ATE1: variants seen among roughly 807,000 people sequenced by gnomAD.
ATE1 encodes arginyltransferase 1, also known as arginyl-tRNA--protein transferase 1.
ATE1 carries 36 observed loss-of-function variants against 70.5 expected under a neutral mutation model. That is an observed-to-expected ratio of 0.51 (90% confidence interval 0.39 to 0.67). The LOEUF is 0.67. ATE1 is among the 30% of genes least tolerant of loss of function. The probability of loss-of-function intolerance (pLI) is 0.00; values close to 1 mark genes in which losing one functional copy is unlikely to be tolerated. For missense variants in ATE1, 593 were observed against 629.5 expected, an observed-to-expected ratio of 0.94 and a Z score of 0.62; for synonymous variants, 232 against 219.3, an observed-to-expected ratio of 1.06 and a Z score of -0.51.
chr10:121,823,975 G>A (rs1322593813), intron 10 of ATE1, among the ~76,000 whole-genome samples: 1 of 152,110 alleles, frequency 6.6e-6, no homozygotes, highest in Non-Finnish European at 1.5e-5. Context: ...TAACCATCTT[G>A]AGCTTCAATT....
At chr10:121,889,292 A>G (rs1950506228) in intron 7 of ATE1, among the ~76,000 whole-genome samples, 2 of 152,210 alleles carry the variant, frequency 1.3e-5, no homozygotes. Flanking sequence ...AACTTTTAAG[A>G]ACACTTAAGA....
chr10:121,756,208 C>G (rs1944793876), intron 11 of ATE1, among the ~76,000 whole-genome samples: 1 of 152,226 alleles, frequency 6.6e-6, no homozygotes, highest in African/African-American at 2.4e-5. Flanking sequence ...AAATGATCTC[C>G]TTTGACTCCA....
chr10:121,847,971 T>C (rs1343984747), intron 8 of ATE1, among the ~76,000 whole-genome samples: 1 of 151,796 alleles, frequency 6.6e-6, no homozygotes, highest in Non-Finnish European at 1.5e-5. Context: ...CTCGGGAGGC[T>C]GAGGCAAAAG....
chr10:121,840,561 A>C (rs1320855512), intron 9 of ATE1, among the ~76,000 whole-genome samples: 1 of 152,128 alleles, frequency 6.6e-6, no homozygotes, highest in Non-Finnish European at 1.5e-5. Context: ...AGGGGGCCTT[A>C]AATAAATGTA....
intron 11 of ATE1, among the ~76,000 whole-genome samples, chr10:121,746,601 C>T (rs751177794): frequency 1.3e-5 from 2 of 152,106 alleles, no homozygotes; most frequent in Non-Finnish European, 1.5e-5. Flanking sequence ...ACTCCTATAT[C>T]TAGTTCTCAA....
chr10:121,869,842 C>CA (rs565275403), intron 8 of ATE1, among the ~76,000 whole-genome samples, 164 bp downstream of exon 8: 12 of 149,352 alleles, frequency 8.0e-5, no homozygotes, highest in Admixed American at 4.7e-4. Context: ...AACTTTTATC[C>CA]AAAAAAAAAG....
chr10:121,833,413 A>G (rs1450823692), intron 10 of ATE1, among the ~76,000 whole-genome samples: 1 of 152,174 alleles, frequency 6.6e-6, no homozygotes, highest in African/African-American at 2.4e-5. Flanking sequence ...AATACCTACT[A>G]TGTAGCAGGC....
At position 121,740,641 on chromosome 10, in the gene ATE1, A is replaced by G. The variant is rs1051471179; in HGVS notation, c.*3039T>C. ...TTTTCAAGTTAGCAACGACAGATAC[A>G]TTTTAGTTAACTGTTTCATATTCCT... On this transcript the variant is annotated 3_prime_UTR_variant, in exon 12 of 12. Coordinates refer to ENST00000224652, the MANE Select transcript of ATE1 (RefSeq NM_001001976.3). 4 of 152,226 alleles carry G rather than the reference A, an allele frequency of 2.6e-5. No individual in the cohort carries two copies. Among genetic ancestry groups the G allele is most frequent in the African/African-American group, 2.4e-5 (1 of 41,468 alleles). 9.4% of individuals were successfully genotyped at this position (152,226 alleles called of 1,614,324 possible).
At chr10:121,788,269 G>T (rs950569505) in intron 11 of ATE1, among the ~76,000 whole-genome samples, 1 of 152,158 alleles carries the variant, frequency 6.6e-6, no homozygotes, top group African/African-American at 2.4e-5. Context: ...GATCAATGAG[G>T]TGTAACTTTA....
chr10:121,919,240 G>A (rs1174385528), intron 3 of ATE1, among the ~76,000 whole-genome samples: 4 of 152,032 alleles, frequency 2.6e-5, no homozygotes, highest in Non-Finnish European at 5.9e-5. Flanking sequence ...CACTGCGAAG[G>A]TCTGCGGCTT....
intron 8 of ATE1, among the ~76,000 whole-genome samples, chr10:121,845,064 TTAAGAGAC>T (rs1948765700): frequency 1.3e-5 from 2 of 152,318 alleles, no homozygotes; most frequent in African/African-American, 2.4e-5. Context: ...TACTGCACAC[TTAAGAGAC>T]TACAGTGTAA....
chr10:121,815,426 CG>C (rs1564861305), intron 10 of ATE1, among the ~76,000 whole-genome samples: 1 of 152,176 alleles, frequency 6.6e-6, no homozygotes, highest in East Asian at 1.9e-4. Context: ...TGAGCCACCG[CG>C]CCCGGCCGGG....
At chr10:121,806,364 G>C (rs1401162120) in intron 10 of ATE1, among the ~76,000 whole-genome samples, 2 of 152,082 alleles carry the variant, frequency 1.3e-5, no homozygotes, top group Non-Finnish European at 2.9e-5. Flanking sequence ...GAAGTGGGAA[G>C]ATCACTTGAG....
intron 10 of ATE1, among the ~76,000 whole-genome samples, chr10:121,832,275 C>T (rs1041512723): frequency 6.6e-6 from 1 of 152,140 alleles, no homozygotes; most frequent in Non-Finnish European, 1.5e-5. Flanking sequence ...CCATTTTATT[C>T]AGAATAAATA....
At chr10:121,790,351 G>C in intron 10 of ATE1, 62 bp from the exon 11 acceptor site, 1 of 1,581,670 alleles carries the variant, frequency 6.3e-7, no homozygotes, top group South Asian at 1.2e-5. Flanking sequence ...AGAGATAAAG[G>C]GATGAGGGCT....
intron 11 of ATE1, among the ~76,000 whole-genome samples, chr10:121,764,203 TA>T (rs35119827): frequency 0.82 from 120,745 of 146,732 alleles, 49,928 homozygotes; most frequent in Non-Finnish European, 0.88. Context: ...CTAAAGCTGT[TA>T]AAAAAAAAAA....
chr10:121,925,693 C>T (rs1952060646), intron 1 of ATE1, among the ~76,000 whole-genome samples: 1 of 151,196 alleles, frequency 6.6e-6, no homozygotes, highest in Admixed American at 6.6e-5. Flanking sequence ...GTGCAACATA[C>T]CAAATCTCTG....
chr10:121,904,492 T>A (rs1951110832), intron 5 of ATE1, among the ~76,000 whole-genome samples: 2 of 150,462 alleles, frequency 1.3e-5, no homozygotes, highest in Admixed American at 1.3e-4. Flanking sequence ...ATTAAAAAAA[T>A]GAAGCAGGCA....
intron 10 of ATE1, among the ~76,000 whole-genome samples, chr10:121,796,575 G>A (rs1240165624): frequency 6.6e-6 from 1 of 152,114 alleles, no homozygotes; most frequent in Non-Finnish European, 1.5e-5. Flanking sequence ...ACAAAGTAGA[G>A]CTGTAATATT....
Sources: allele counts gnomAD v4.1 joint callset (sites outside exome capture counted in the v4.1 genomes callset), GRCh38; gene constraint gnomAD v4.1.1; transcripts MANE v1.5; gene names NCBI Gene and HGNC (gene_info 2026-07-23, HGNC 2026-07-21).